Variants in ATL1 observed in about 807,000 individuals in gnomAD.
The protein encoded by ATL1 is atlastin GTPase 1.
ATL1 carries 31 observed loss-of-function variants against 75.5 expected under a neutral mutation model. The observed-to-expected ratio is 0.41, with a 90% confidence interval of 0.31 to 0.55. The LOEUF (loss-of-function observed/expected upper bound fraction) is 0.55, where lower values mean the gene tolerates loss of function less well. Ranked by LOEUF, ATL1 falls within the 20% of genes least tolerant of loss-of-function variation. The pLI, the probability that ATL1 is intolerant of heterozygous loss-of-function variation, is 0.27. For synonymous variants in ATL1, 226 were observed against 233.3 expected (o/e 0.97, Z 0.28); for missense variants, 405 against 662.6 (o/e 0.61, Z 4.27).
rs548815281 is a variant in ATL1, at chr14:50,578,311, A to G, written c.35-9520A>G. On this transcript the variant is annotated intron_variant, in intron 1 of 13. Transcript: ENST00000358385. The stretch of plus-strand genomic sequence containing the variant: ...AATCTCCCTCCTCTTCATTAATTCC[A>G]TGTGTAACTCTTCAAGAGCCTTGAA... Among the ~76,000 whole-genome samples the G allele has an allele frequency of 1.9e-4, 29 of 152,238 alleles. 1 individual carries two copies. The highest frequency in any genetic ancestry group is 1.7e-3 in the South Asian group (8 of 4,824).
intron 1 of ATL1, among the ~76,000 whole-genome samples, chr14:50,572,643 A>T (rs1297439004): frequency 6.6e-6 from 1 of 151,282 alleles, no homozygotes; most frequent in Non-Finnish European, 1.5e-5. Context: ...TCTATATTTT[A>T]TTCTTTGTAA....
intron 6 of ATL1, among the ~76,000 whole-genome samples, chr14:50,604,493 A>G (rs996849861): frequency 8.5e-5 from 13 of 152,250 alleles, no homozygotes; most frequent in Non-Finnish European, 1.8e-4. Flanking sequence ...CATATTTGGG[A>G]TTGTAAATAG....
At chr14:50,562,190 G>A (rs549629004) in intron 1 of ATL1, among the ~76,000 whole-genome samples, 97 of 152,104 alleles carry the variant, frequency 6.4e-4, no homozygotes, top group Non-Finnish European at 1.0e-3. Flanking sequence ...GACTACAGGC[G>A]CCTGCCACCG....
intron 7 of ATL1, 33 bp downstream of exon 7, chr14:50,613,384 C>T (rs750943790): frequency 2.0e-6 from 3 of 1,501,680 alleles, no homozygotes; most frequent in South Asian, 2.3e-5. Flanking sequence ...TGAAATTTCA[C>T]TAATAATCTG....
intron 1 of ATL1, chr14:50,560,646 T>C (rs2038828867): frequency 5.6e-6 from 2 of 354,122 alleles, no homozygotes; most frequent in African/African-American, 2.1e-5. Flanking sequence ...GGAGGAAGGC[T>C]ATGGGGGTGG....
chr14:50,602,614 G>A (rs991981301), intron 6 of ATL1, among the ~76,000 whole-genome samples: 12 of 151,824 alleles, frequency 7.9e-5, no homozygotes, highest in East Asian at 7.7e-4. Flanking sequence ...CTAGTAGGCC[G>A]GTCTGCAAAA....
intron 6 of ATL1, among the ~76,000 whole-genome samples, chr14:50,605,896 A>C (rs1335998178): frequency 6.6e-6 from 1 of 152,072 alleles, no homozygotes; most frequent in Non-Finnish European, 1.5e-5. Flanking sequence ...ACTCAGCTCA[A>C]GACCAGGGTT....
At chr14:50,628,530 G>A in intron 12 of ATL1, 68 bp downstream of exon 12, 1 of 1,491,056 alleles carries the variant, frequency 6.7e-7, no homozygotes, top group Non-Finnish European at 9.2e-7. Flanking sequence ...GCCAGCCACT[G>A]CATTAGATGT....
intron 6 of ATL1, among the ~76,000 whole-genome samples, chr14:50,603,339 C>T (rs1222263272): frequency 1.3e-5 from 2 of 152,138 alleles, no homozygotes; most frequent in Admixed American, 1.3e-4. Flanking sequence ...GACCTTAGAC[C>T]TTACACAGAT....
Position 50,587,868 on chromosome 14 carries a change from AGAG to A in ATL1, c.79_81del (p.Glu27del). ...AAAAGACATATGAATGGAGCTCAGA[AGAG>A]GAGGAGCCAGTGAAAAAGGCAGGAC... On this transcript the variant is annotated inframe_deletion, in exon 2 of 14. Transcript: ENST00000358385. 1.2e-6 allele frequency: 2 copies of A among 1,614,204 alleles called. No homozygotes were observed. The highest frequency in any genetic ancestry group is 1.7e-6 in the Non-Finnish European group (2 of 1,180,024).
At chr14:50,630,074 C>T in intron 13 of ATL1, 65 bp downstream of exon 13, 1 of 1,226,982 alleles carries the variant, frequency 8.2e-7, no homozygotes, top group Non-Finnish European at 1.2e-6. Flanking sequence ...ATTTTATAAA[C>T]TGACTAAGCC....
intron 6 of ATL1, among the ~76,000 whole-genome samples, chr14:50,612,916 T>G (rs146005259): frequency 6.6e-6 from 1 of 152,230 alleles, no homozygotes; most frequent in Non-Finnish European, 1.5e-5. Context: ...GCCATACCTA[T>G]CAGAAAGGAA....
Position 50,560,209 on chromosome 14 carries a change from C to G in ATL1, c.-57C>G. ...TCCCACCGCCAGCAACCTGCGGCCC[C>G]GGAGAAGGCAGCGAGCGCAGTGACA... On this transcript the variant is annotated 5_prime_UTR_variant, in exon 1 of 14. Coordinates refer to ENST00000358385, the MANE Select transcript of ATL1 (RefSeq NM_015915.5). 5.0e-6 allele frequency: 8 copies of G among 1,606,490 alleles called. No individual in the cohort carries two copies. In the Admixed American group the frequency reaches 5.1e-5, roughly 10 times the overall value.
At chr14:50,586,507 T>C (rs113801807) in intron 1 of ATL1, among the ~76,000 whole-genome samples, 4,510 of 152,240 alleles carry the variant, frequency 0.03, 91 homozygotes, top group South Asian at 0.047. Context: ...ATCTAAGGCC[T>C]CCCAAAGGCC....
At chr14:50,561,268 G>C (rs1415107223) in intron 1 of ATL1, 1 of 152,230 alleles carries the variant, frequency 6.6e-6, no homozygotes, top group Non-Finnish European at 1.5e-5. Context: ...GTAGGTTCCC[G>C]ATTTCTTGCA....
intron 6 of ATL1, among the ~76,000 whole-genome samples, chr14:50,605,620 A>G (rs1344340805): frequency 6.6e-6 from 1 of 152,016 alleles, no homozygotes; most frequent in Non-Finnish European, 1.5e-5. Flanking sequence ...CTTCCAAAAT[A>G]GCCTTCTGTA....
Position 50,548,340 on chromosome 14 carries a change from C to T in ATL1, c.-139-11787C>T, listed in dbSNP as rs1463916735. Among the ~76,000 whole-genome samples, 3 of 152,132 alleles carry T rather than the reference C, an allele frequency of 2.0e-5. No individual in the cohort carries two copies. The East Asian group carries it at 5.8e-4, about 29-fold the overall frequency. ...AAAATGGGATTGGGCACACATAGAG[C>T]AAGAGCCATTTGAGAAAGCAAAAAT... On this transcript the variant is annotated intron_variant, in intron 1 of 13. Coordinates refer to the ATL1 transcript ENST00000441560.
At chr14:50,613,203 A>C (rs2039382264) in intron 6 of ATL1, 56 bp from the exon 7 acceptor site, 1 of 1,282,044 alleles carries the variant, frequency 7.8e-7, no homozygotes. Flanking sequence ...TTTCCATATA[A>C]AGCAAAGGGA....
At chr14:50,593,274 ATTC>A (rs2039180827) in intron 4 of ATL1, among the ~76,000 whole-genome samples, 1 of 152,084 alleles carries the variant, frequency 6.6e-6, no homozygotes, top group Admixed American at 6.6e-5. Flanking sequence ...TATACAGAGC[ATTC>A]TTTTTATATC....
Sources: gnomAD v4.1 joint callset for allele counts (sites outside exome capture counted in the v4.1 genomes callset) on GRCh38, gnomAD v4.1.1 for gene constraint, MANE v1.5 for transcripts, NCBI Gene and HGNC (gene_info 2026-07-23, HGNC 2026-07-21) for gene names.